The following LRRC37A2 variants were observed in gnomAD, a reference collection of about 807,000 sequenced individuals.
LRRC37A2 encodes the protein leucine rich repeat containing 37 member A2, also known as leucine-rich repeat-containing protein 37A2.
LRRC37A2 carries 9 observed loss-of-function variants against 68.8 expected under a neutral mutation model. That is an observed-to-expected ratio of 0.13 (90% CI 0.08 to 0.23). LRRC37A2 has a LOEUF of 0.23. Ranked by LOEUF, LRRC37A2 falls within the 10% of genes least tolerant of loss-of-function variation. The pLI is 1.00. For missense variants in LRRC37A2, 168 were observed against 950.4 expected, an observed-to-expected ratio of 0.18 and a Z score of 10.82; for synonymous variants, 63 against 367.6, an observed-to-expected ratio of 0.17 and a Z score of 9.48.
the LRRC37A2 span, among the ~76,000 whole-genome samples, chr17:46,853,591 C>T: frequency 4.6e-5 from 7 of 151,974 alleles, no homozygotes; most frequent in Admixed American, 1.3e-4. Context: ...AGGCTGGTCT[C>T]GAACTCCTGA....
At chr17:46,936,317 G>C in the LRRC37A2 span, 2 of 985,324 alleles carry the variant, frequency 2.0e-6, no homozygotes, top group Non-Finnish European at 2.4e-6. Flanking sequence ...AAGAGCCAGT[G>C]GGGGTTAGAG....
At chr17:46,839,425 T>A in the LRRC37A2 span, among the ~76,000 whole-genome samples, 70,846 of 152,058 alleles carry the variant, frequency 0.47, 20,942 homozygotes, top group East Asian at 0.88. Flanking sequence ...TTGCATCAGG[T>A]TGTATGGTAG....
chr17:46,978,381 AAAAC>A, the LRRC37A2 span: 40 of 368,386 alleles, frequency 1.1e-4, no homozygotes, highest in African/African-American at 1.2e-3. Context: ...AACGTCTTAA[AAAAC>A]AAACAAACAA....
At chr17:46,992,164 C>T in the LRRC37A2 span, among the ~76,000 whole-genome samples, 1 of 106,348 alleles carries the variant, frequency 9.4e-6, no homozygotes, top group Non-Finnish European at 2.2e-5. Context: ...GGTTTGAGAC[C>T]AGCCTGGCCA....
chr17:46,824,927 T>C, the LRRC37A2 span, among the ~76,000 whole-genome samples: 1 of 152,192 alleles, frequency 6.6e-6, no homozygotes, highest in East Asian at 1.9e-4. Flanking sequence ...GGGATGAGAT[T>C]AAGGGTGGGC....
the LRRC37A2 span, among the ~76,000 whole-genome samples, chr17:47,009,609 G>A: frequency 1.3e-5 from 2 of 152,196 alleles, no homozygotes; most frequent in Non-Finnish European, 2.9e-5. Flanking sequence ...CTACAGAGAC[G>A]CATTCATTCA....
chr17:46,738,251 C>T, the LRRC37A2 span, among the ~76,000 whole-genome samples: 4 of 151,998 alleles, frequency 2.6e-5, no homozygotes, highest in South Asian at 2.1e-4. Context: ...TTTTAATTAA[C>T]GTACAATATG....
chr17:46,904,807 G>A, the LRRC37A2 span, among the ~76,000 whole-genome samples: 1 of 152,192 alleles, frequency 6.6e-6, no homozygotes, highest in Non-Finnish European at 1.5e-5. Context: ...GGAGATGACA[G>A]GAAACTTTCC....
chr17:47,003,723 C>CT, the LRRC37A2 span, among the ~76,000 whole-genome samples: 69,204 of 149,820 alleles, frequency 0.46, 16,156 homozygotes, highest in Non-Finnish European at 0.52. Context: ...CTATATTTGC[C>CT]TTTTTTTTTT....
At chr17:46,732,360 AC>A in the LRRC37A2 span, among the ~76,000 whole-genome samples, 1 of 66,472 alleles carries the variant, frequency 1.5e-5, no homozygotes, top group South Asian at 6.2e-4. Flanking sequence ...CTCCCCCACC[AC>A]CCCCTCCCTT....
At chr17:47,000,040 A>ATAAAATAAAATAAAATAAAAT in the LRRC37A2 span, among the ~76,000 whole-genome samples, 2 of 25,760 alleles carry the variant, frequency 7.8e-5, no homozygotes, top group African/African-American at 1.5e-4. Flanking sequence ...AAATAAAATA[A>ATAAAATAAAATAAAATAAAAT]AATAAAATAA....
At chr17:47,019,085 G>A in the LRRC37A2 span, 171 of 1,300,726 alleles carry the variant, frequency 1.3e-4, 3 homozygotes, top group South Asian at 1.4e-3. Flanking sequence ...CTACACCCCC[G>A]AAGAGGACTA....
chr17:46,769,315 C>CAAA, the LRRC37A2 span, among the ~76,000 whole-genome samples: 26 of 102,820 alleles, frequency 2.5e-4, no homozygotes, highest in African/African-American at 7.9e-4. Context: ...GACTCCGTCT[C>CAAA]AAAAAAAAAA....
the LRRC37A2 span, chr17:46,948,641 A>G: frequency 2.0e-5 from 3 of 152,282 alleles, no homozygotes; most frequent in Non-Finnish European, 2.9e-5. Context: ...GACAAAGCCA[A>G]TCAAGCATGT....
the LRRC37A2 span, among the ~76,000 whole-genome samples, chr17:46,737,588 T>C: frequency 6.6e-6 from 1 of 151,734 alleles, no homozygotes; most frequent in Non-Finnish European, 1.5e-5. Context: ...TGTGTGTGTG[T>C]GTGTGTGTGT....
chr17:47,035,804 C>T, the LRRC37A2 span, among the ~76,000 whole-genome samples: 161 of 152,248 alleles, frequency 1.1e-3, 1 homozygote, highest in African/African-American at 3.5e-3. Flanking sequence ...TCAATTTCCC[C>T]GGGTCTTTGT....
chr17:46,757,647 G>A, the LRRC37A2 span, among the ~76,000 whole-genome samples: 2 of 151,670 alleles, frequency 1.3e-5, no homozygotes, highest in African/African-American at 4.8e-5. Context: ...CATCATTAGA[G>A]TATCAGAAAA....
the LRRC37A2 span, chr17:46,821,157 C>T: frequency 6.6e-6 from 1 of 152,288 alleles, no homozygotes; most frequent in Admixed American, 6.5e-5. Context: ...AGGTCATGTG[C>T]ATCAGGCAGG....
At chr17:46,543,532 A>G (rs2055794997) in intron 8 of LRRC37A2, among the ~76,000 whole-genome samples, 1 of 150,956 alleles carries the variant, frequency 6.6e-6, no homozygotes, top group Non-Finnish European at 1.5e-5. Context: ...ATGAAGTTCC[A>G]TTGAGTGATG....
Sources: gnomAD v4.1 joint callset for allele counts (sites outside exome capture counted in the v4.1 genomes callset) on GRCh38, gnomAD v4.1.1 for gene constraint, MANE v1.5 for transcripts, NCBI Gene and HGNC (gene_info 2026-07-23, HGNC 2026-07-21) for gene names.